ADAMTS9: variants seen among roughly 807,000 people sequenced by gnomAD.
ADAMTS9 encodes the protein ADAM metallopeptidase with thrombospondin type 1 motif 9.
In ADAMTS9, 107 loss-of-function variants were observed where a neutral mutation model predicts 257.1. The ratio of observed to expected loss-of-function variants is 0.42; its 90% confidence interval spans 0.36 to 0.49. The LOEUF (loss-of-function observed/expected upper bound fraction) is 0.49. Among genes scored for constraint, ADAMTS9 ranks in the 20% least tolerant of loss-of-function variants. ADAMTS9 has a pLI of 0.03. For synonymous variants in ADAMTS9, 982 were observed against 880.9 expected (o/e 1.11, Z -2.03); for missense variants, 2,353 against 2,469.1 (o/e 0.95, Z 1.00).
In ADAMTS9 at chr3:64,631,476, T is replaced by C; in HGVS notation, c.2368A>G (p.Thr790Ala). ...TCACCTAAGTAGTTGTCATCGTCTG[T>C]TTCCCCTGAGAAACTGTGCTGCCGC... Reference protein sequence around the residue: ...DVRQHSFSGETDDDNYLALSS... With the variant: ...DVRQHSFSGEADDDNYLALSS... Residue 790 changes from threonine (T) to alanine (A), a missense_variant, in exon 16 of 40, where the codon ACA (threonine) becomes GCA (alanine). Transcript: ENST00000498707. 1 of 1,614,120 alleles carries C rather than the reference T, an allele frequency of 6.2e-7. No homozygotes were observed. Among genetic ancestry groups the C allele is most frequent in the Non-Finnish European group, 8.5e-7 (1 of 1,179,944 alleles).
rs552613045 is a variant in ADAMTS9 at position 64,658,848 on chromosome 3, G to T, written c.680-57C>A. 6.6e-6 allele frequency: 10 copies of T among 1,512,720 alleles called. No homozygotes were observed. The African/African-American group carries it at 7.0e-5, about 11-fold the overall frequency. The allele number at this position is 1,512,720 out of a possible 1,614,324, so 93.7% of individuals were successfully genotyped here. A position where few individuals can be genotyped will look rare whatever the true frequency, so the allele number is the denominator to read the frequency against. On this transcript the variant is annotated intron_variant, in intron 3 of 39. Transcript: ENST00000498707. ...TCAAGCCACATCTATTTTATATTAA[G>T]AATTTAATTTGACACATTTTAAATT...
intron 11 of ADAMTS9, among the ~76,000 whole-genome samples, chr3:64,645,361 T>C (rs1203507544): frequency 6.6e-6 from 1 of 152,106 alleles, no homozygotes; most frequent in Non-Finnish European, 1.5e-5. Context: ...GCTAATGGAC[T>C]TAAGAGAGTG....
intron 30 of ADAMTS9, 132 bp downstream of exon 30, chr3:64,561,446 A>T (rs1576019566): frequency 2.0e-6 from 2 of 1,024,230 alleles, no homozygotes; most frequent in Admixed American, 5.9e-5. Context: ...TCTGACAGTG[A>T]ACCTTTTGGG....
chr3:64,663,877 T>A (rs1337467665), intron 3 of ADAMTS9, among the ~76,000 whole-genome samples: 1 of 152,186 alleles, frequency 6.6e-6, no homozygotes, highest in East Asian at 1.9e-4. Flanking sequence ...CTGGTCCAAC[T>A]AATTTCTATC....
chr3:64,612,934 C>T (rs1338394987), intron 22 of ADAMTS9, among the ~76,000 whole-genome samples: 1 of 152,180 alleles, frequency 6.6e-6, no homozygotes, highest in Non-Finnish European at 1.5e-5. Context: ...GTAATTGTGA[C>T]ATTGGGAGCC....
chr3:64,550,699 C>T, intron 31 of ADAMTS9, 193 bp downstream of exon 31: 1 of 630,048 alleles, frequency 1.6e-6, no homozygotes, highest in Non-Finnish European at 2.7e-6. Context: ...TCTCTTACAT[C>T]TCTCCCGCTT....
intron 38 of ADAMTS9, 58 bp downstream of exon 38, chr3:64,533,108 G>C: frequency 1.3e-6 from 2 of 1,487,824 alleles, no homozygotes; most frequent in Non-Finnish European, 1.9e-6. Context: ...CAGTAATAAA[G>C]ACAAGAACGA....
intron 18 of ADAMTS9, 144 bp downstream of exon 18, chr3:64,622,054 C>T (rs1700121186): frequency 1.1e-6 from 1 of 882,508 alleles, no homozygotes; most frequent in African/African-American, 1.7e-5. Flanking sequence ...CCAAAAATGA[C>T]CAGACACATT....
At chr3:64,671,067 T>C (rs529293432) in intron 3 of ADAMTS9, among the ~76,000 whole-genome samples, 4 of 152,212 alleles carry the variant, frequency 2.6e-5, no homozygotes, top group Non-Finnish European at 5.9e-5. Flanking sequence ...TGGAAACTTA[T>C]GTTCACACAA....
Position 64,613,405 on chromosome 3 carries a change from T to C in ADAMTS9, c.3294A>G (p.Thr1098=), listed in dbSNP as rs147391256. 1.9e-6 allele frequency: 3 copies of C among 1,614,048 alleles called. No individual in the cohort carries two copies. The highest frequency in any genetic ancestry group is 1.7e-5 in the Admixed American group (1 of 60,028). The change falls in exon 22 of 40, where the codon ACA becomes ACG. Residue 1098 remains threonine, a synonymous_variant. Coordinates refer to ENST00000498707, the MANE Select transcript of ADAMTS9 (RefSeq NM_182920.2). ...CCGGCTGCTGACAAGTCTGCATAGA[T>C]GTTGGCTTGGTCTCAGGGTCACACA... ...DRMCDPETKP[T]SMQTCQQPEC...
intron 28 of ADAMTS9, among the ~76,000 whole-genome samples, chr3:64,572,439 C>T (rs890914596): frequency 2.6e-5 from 4 of 152,092 alleles, no homozygotes; most frequent in African/African-American, 7.2e-5. Flanking sequence ...ATGGTGCAGA[C>T]GAATATGGGT....
intron 38 of ADAMTS9, among the ~76,000 whole-genome samples, chr3:64,522,997 C>T (rs2082871193): frequency 1.3e-5 from 2 of 151,922 alleles, no homozygotes; most frequent in African/African-American, 4.8e-5. Flanking sequence ...CACAGAAAAA[C>T]AATGGTCAAA....
chr3:64,619,294 G>A (rs1700046027), intron 19 of ADAMTS9, among the ~76,000 whole-genome samples: 1 of 152,064 alleles, frequency 6.6e-6, no homozygotes, highest in African/African-American at 2.4e-5. Context: ...GTAGGGAACA[G>A]GGATGGGGCA....
intron 28 of ADAMTS9, among the ~76,000 whole-genome samples, chr3:64,580,970 C>T (rs2083983483): frequency 6.6e-6 from 1 of 152,154 alleles, no homozygotes; most frequent in Admixed American, 6.6e-5. Flanking sequence ...AGGTCTGGAT[C>T]CAATAATTAC....
At chr3:64,564,701 C>G (rs999111808) in intron 29 of ADAMTS9, among the ~76,000 whole-genome samples, 1 of 151,490 alleles carries the variant, frequency 6.6e-6, no homozygotes, top group African/African-American at 2.4e-5. Context: ...CCCCCTTATT[C>G]CCCCCCAACT....
At chr3:64,642,861 G>A (rs1051306422) in intron 11 of ADAMTS9, among the ~76,000 whole-genome samples, 5 of 152,204 alleles carry the variant, frequency 3.3e-5, no homozygotes, top group Non-Finnish European at 7.3e-5. Context: ...CCACCAAGAG[G>A]GGAGAGGCAG....
intron 30 of ADAMTS9, among the ~76,000 whole-genome samples, chr3:64,554,264 G>A (rs2083303929): frequency 6.6e-6 from 1 of 152,208 alleles, no homozygotes; most frequent in Admixed American, 6.5e-5. Context: ...TTTGCCAGCG[G>A]TGGAAAGGGG....
At chr3:64,540,857 T>A (rs1165092277) in intron 36 of ADAMTS9, among the ~76,000 whole-genome samples, 1 of 152,324 alleles carries the variant, frequency 6.6e-6, no homozygotes, top group African/African-American at 2.4e-5. Flanking sequence ...AGCACCTGCC[T>A]TGTGCGAGCC....
intron 37 of ADAMTS9, among the ~76,000 whole-genome samples, chr3:64,534,645 T>C (rs1445137452): frequency 3.3e-5 from 5 of 152,120 alleles, no homozygotes; most frequent in African/African-American, 9.7e-5. Context: ...ACTTCTGGAG[T>C]GCTAGATTCC....
Sources: gnomAD v4.1 joint callset for allele counts (sites outside exome capture counted in the v4.1 genomes callset) on GRCh38, gnomAD v4.1.1 for gene constraint, MANE v1.5 for transcripts, NCBI Gene and HGNC (gene_info 2026-07-23, HGNC 2026-07-21) for gene names.